Variants in CNTNAP2 observed in about 807,000 individuals in gnomAD.
CNTNAP2 encodes the protein contactin associated protein 2.
A neutral mutation model predicts 155.2 loss-of-function variants in CNTNAP2; 98 were observed. That is an observed-to-expected ratio of 0.63 (90% CI 0.54 to 0.75). The LOEUF (loss-of-function observed/expected upper bound fraction) is 0.75, where lower values mean the gene tolerates loss of function less well. Among genes scored for constraint, CNTNAP2 ranks in the 30% least tolerant of loss-of-function variants. The probability of loss-of-function intolerance (pLI) is 0.00; values close to 1 mark genes in which losing one functional copy is unlikely to be tolerated. For missense variants in CNTNAP2, 1,727 were observed against 1,688.1 expected (o/e 1.02, Z -0.40); for synonymous variants, 651 against 631.2 (o/e 1.03, Z -0.47).
At chr7:148,061,991 ATAGATAGATAGATAGAT>A (rs1437785677) in intron 15 of CNTNAP2, among the ~76,000 whole-genome samples, 4 of 133,684 alleles carry the variant, frequency 3.0e-5, no homozygotes, top group African/African-American at 1.3e-4. Flanking sequence ...AGATAGATAG[ATAGATAGATAGATAGAT>A]GATAGAGAGA....
chr7:147,886,057 T>C (rs1799594012), intron 13 of CNTNAP2, among the ~76,000 whole-genome samples: 1 of 152,186 alleles, frequency 6.6e-6, no homozygotes, highest in Non-Finnish European at 1.5e-5. Context: ...CCTAAATTCT[T>C]TCTTCCTCTC....
intron 1 of CNTNAP2, among the ~76,000 whole-genome samples, chr7:146,677,896 G>A (rs1252990737): frequency 6.6e-6 from 1 of 152,046 alleles, no homozygotes. Context: ...GGGATGTGGA[G>A]TGTTGGAGGG....
At chr7:147,746,280 A>C (rs1797041982) in intron 13 of CNTNAP2, among the ~76,000 whole-genome samples, 1 of 152,170 alleles carries the variant, frequency 6.6e-6, no homozygotes, top group African/African-American at 2.4e-5. Flanking sequence ...TACCAGATTT[A>C]CCAACAGCTG....
intron 1 of CNTNAP2, among the ~76,000 whole-genome samples, chr7:146,597,713 T>C (rs1394283247): frequency 6.6e-6 from 1 of 152,082 alleles, no homozygotes; most frequent in African/African-American, 2.4e-5. Context: ...GTTCTAAAGT[T>C]GGACATAAAT....
intron 12 of CNTNAP2, among the ~76,000 whole-genome samples, chr7:147,626,381 C>G (rs1177143016): frequency 6.6e-6 from 1 of 151,668 alleles, no homozygotes; most frequent in Non-Finnish European, 1.5e-5. Flanking sequence ...CTATTCCCCA[C>G]TTCTCTGGTG....
chr7:147,512,922 G>A (rs1030162877), intron 11 of CNTNAP2, among the ~76,000 whole-genome samples: 1 of 152,056 alleles, frequency 6.6e-6, no homozygotes, highest in Non-Finnish European at 1.5e-5. Context: ...GAGTTAGCAA[G>A]CAGAGCTATG....
chr7:147,566,118 CAAA>C (rs59352888), intron 12 of CNTNAP2, among the ~76,000 whole-genome samples: 13 of 107,298 alleles, frequency 1.2e-4, no homozygotes, highest in African/African-American at 1.3e-4. Context: ...CTATCTCTAC[CAAA>C]AAAAAAAAAA....
At chr7:147,119,866 C>CTATTA (rs927766086) in intron 5 of CNTNAP2, among the ~76,000 whole-genome samples, 2 of 152,140 alleles carry the variant, frequency 1.3e-5, no homozygotes, top group African/African-American at 4.8e-5. Flanking sequence ...TTCTGAAACC[C>CTATTA]TATTATATTT....
chr7:147,182,339 A>C (rs901191200), intron 8 of CNTNAP2, among the ~76,000 whole-genome samples: 1 of 151,914 alleles, frequency 6.6e-6, no homozygotes, highest in Admixed American at 6.6e-5. Context: ...CTTTGTGTTA[A>C]TTTGTTATTT....
Position 148,235,682 on chromosome 7 carries a change from A to AT in CNTNAP2, c.3381+5905dup, listed in dbSNP as rs748645353. On this transcript the variant is annotated intron_variant, in intron 20 of 23. Transcript: ENST00000361727. ...ATGTGCTCCTTACAGCTGTGCAGCAATTATTTTTTTTTTTTTTTTTTTGAG... is the reference window on the plus strand; with the variant it reads ...ATGTGCTCCTTACAGCTGTGCAGCAATTTATTTTTTTTTTTTTTTTTTTGAG... 3.3e-3 allele frequency among the ~76,000 whole-genome samples: 235 copies of AT among 70,226 alleles called. 3 individuals carry two copies. Among genetic ancestry groups the AT allele is most frequent in the Non-Finnish European group, 4.1e-3 (140 of 34,498 alleles). 46.1% of individuals were successfully genotyped at this position (70,226 alleles called of 152,430 possible). A position where few individuals can be genotyped will look rare whatever the true frequency, so the allele number is the denominator to read the frequency against.
intron 3 of CNTNAP2, among the ~76,000 whole-genome samples, chr7:146,983,492 G>C (rs1391380802): frequency 1.3e-5 from 2 of 152,136 alleles, no homozygotes; most frequent in African/African-American, 2.4e-5. Context: ...ATGCACTAAA[G>C]AGTTGCTTCA....
At chr7:147,364,705 C>T (rs970830347) in intron 9 of CNTNAP2, among the ~76,000 whole-genome samples, 3 of 151,918 alleles carry the variant, frequency 2.0e-5, no homozygotes, top group South Asian at 2.1e-4. Flanking sequence ...AAAAATTAGC[C>T]GGGAATGGTG....
At chr7:146,831,201 T>A (rs1463645131) in intron 2 of CNTNAP2, among the ~76,000 whole-genome samples, 3 of 152,230 alleles carry the variant, frequency 2.0e-5, no homozygotes, top group Admixed American at 6.5e-5. Flanking sequence ...AGGATCTCTC[T>A]TGTTATTTTT....
At chr7:146,905,374 C>G (rs983800446) in intron 3 of CNTNAP2, among the ~76,000 whole-genome samples, 10 of 152,058 alleles carry the variant, frequency 6.6e-5, no homozygotes, top group African/African-American at 2.4e-4. Context: ...TATCCACATT[C>G]TCATCACCTC....
chr7:147,767,608 A>G lies in CNTNAP2; in HGVS notation c.2098+128302A>G, dbSNP rs543253040. Among the ~76,000 whole-genome samples the G allele has an allele frequency of 6.6e-4, 100 of 152,112 alleles. 1 individual carries two copies. Among genetic ancestry groups the G allele is most frequent in the African/African-American group, 2.4e-3 (100 of 41,554 alleles). On this transcript the variant is annotated intron_variant, in intron 13 of 23. Coordinates refer to ENST00000361727, the MANE Select transcript of CNTNAP2 (RefSeq NM_014141.6). Reference sequence around the variant, plus strand: ...TATAGGGCTGTGTTCTATGCTTTAAATGCATTATTATACTTAATTTTCCAA... The same window carrying G: ...TATAGGGCTGTGTTCTATGCTTTAAGTGCATTATTATACTTAATTTTCCAA...
chr7:146,756,687 A>G (rs1016946222), intron 1 of CNTNAP2, among the ~76,000 whole-genome samples: 5 of 152,078 alleles, frequency 3.3e-5, no homozygotes, highest in East Asian at 1.9e-4. Flanking sequence ...CCAAGAATGC[A>G]TATGAATGAG....
rs113768384 is a variant in CNTNAP2 at position 146,528,963 on chromosome 7, C to T, written c.98-245308C>T. On this transcript the variant is annotated intron_variant, in intron 1 of 23. Coordinates refer to ENST00000361727, the MANE Select transcript of CNTNAP2 (RefSeq NM_014141.6). Reference sequence around the variant, plus strand: ...AAGCAAGGTTCAGTGAAATAAAACACAAAAATCTAAGAAAAGATTAAAGGG... The same window carrying T: ...AAGCAAGGTTCAGTGAAATAAAACATAAAAATCTAAGAAAAGATTAAAGGG... Among the ~76,000 whole-genome samples, 729 of 151,968 alleles carry T rather than the reference C, an allele frequency of 4.8e-3. 8 individuals carry two copies. The highest frequency in any genetic ancestry group is 0.017 in the African/African-American group (689 of 41,470).
At chr7:147,951,975 G>A (rs567953158) in intron 14 of CNTNAP2, among the ~76,000 whole-genome samples, 2 of 151,702 alleles carry the variant, frequency 1.3e-5, no homozygotes, top group South Asian at 4.2e-4. Flanking sequence ...AATAAATGTT[G>A]TTATGAGAAC....
chr7:146,888,191 T>A (rs781087529), intron 3 of CNTNAP2, among the ~76,000 whole-genome samples: 19 of 152,144 alleles, frequency 1.2e-4, no homozygotes, highest in Non-Finnish European at 2.4e-4. Flanking sequence ...ATTTACAACA[T>A]GGTATCATTT....
Sources: gnomAD v4.1 joint callset for allele counts (sites outside exome capture counted in the v4.1 genomes callset) on GRCh38, gnomAD v4.1.1 for gene constraint, MANE v1.5 for transcripts, NCBI Gene and HGNC (gene_info 2026-07-23, HGNC 2026-07-21) for gene names.